Variants in PCDHA5 observed in about 807,000 individuals in gnomAD.
PCDHA5 encodes protocadherin alpha 5.
PCDHA5 carries 43 observed loss-of-function variants against 61.6 expected under a neutral mutation model. That is an observed-to-expected ratio of 0.70 (90% confidence interval 0.55 to 0.90). PCDHA5 has a LOEUF of 0.90. Ranked by LOEUF, PCDHA5 falls within the 40% of genes least tolerant of loss-of-function variation. The pLI, the probability that PCDHA5 is intolerant of heterozygous loss-of-function variation, is 0.00. For missense variants in PCDHA5, 1,298 were observed against 1,222.7 expected, an observed-to-expected ratio of 1.06 and a Z score of -0.92; for synonymous variants, 627 against 543.9, an observed-to-expected ratio of 1.15 and a Z score of -2.13.
intron 1 of PCDHA5, chr5:140,850,083 C>G: frequency 6.3e-7 from 1 of 1,596,622 alleles, no homozygotes; most frequent in Non-Finnish European, 8.6e-7. Context: ...GGAGCTGGAG[C>G]TGCTACAGTT....
chr5:140,881,220 G>A (rs1437715335), intron 1 of PCDHA5: 1 of 247,310 alleles, frequency 4.0e-6, no homozygotes, highest in Non-Finnish European at 6.5e-6. Context: ...TTGTTTCTTG[G>A]AAAATTAAAG....
rs2150162477 is a variant in PCDHA5, at chr5:140,829,090, T to C, written c.2352+4963T>C. On this transcript the variant is annotated intron_variant, in intron 1 of 3. Transcript: ENST00000529859. ...AAGGCCATCCTCCCATGGCGGGTCA[T>C]TGCACCGTTTTAGTGAGAATTTTGG... is the stretch of plus-strand genomic sequence containing the variant. The C allele has an allele frequency of 2.5e-6, 4 of 1,611,416 alleles. No homozygotes were observed. In the South Asian group the frequency reaches 4.4e-5, roughly 18 times the overall value.
intron 1 of PCDHA5, chr5:140,882,765 CGG>C: frequency 6.2e-7 from 1 of 1,614,222 alleles, no homozygotes; most frequent in Non-Finnish European, 8.5e-7. Flanking sequence ...GGAGTAAACT[CGG>C]CATTGACCTA....
chr5:140,877,247 C>T (rs782249614), intron 1 of PCDHA5: 1 of 1,613,680 alleles, frequency 6.2e-7, no homozygotes, highest in African/African-American at 1.3e-5. Context: ...CACGTGGTGG[C>T]GAAAGTGCGC....
chr5:140,831,383 A>G (rs1416445825), intron 1 of PCDHA5, among the ~76,000 whole-genome samples: 1 of 151,732 alleles, frequency 6.6e-6, no homozygotes, highest in South Asian at 2.1e-4. Flanking sequence ...TGTGTGTGAC[A>G]GGGTCTTGCT....
intron 1 of PCDHA5, chr5:140,825,838 T>A (rs1768731897): frequency 6.6e-6 from 1 of 152,416 alleles, no homozygotes; most frequent in Non-Finnish European, 1.5e-5. Context: ...AAAATAAATA[T>A]ACCATGATAC....
intron 1 of PCDHA5, chr5:140,830,405 T>A: frequency 6.2e-7 from 1 of 1,614,172 alleles, no homozygotes; most frequent in Non-Finnish European, 8.5e-7. Flanking sequence ...TCTCATGGCC[T>A]TTAGCCCCAG....
At chr5:140,830,134 G>C in intron 1 of PCDHA5, 2 of 1,613,336 alleles carry the variant, frequency 1.2e-6, no homozygotes, top group Non-Finnish European at 1.7e-6. Flanking sequence ...CGTCATCACG[G>C]GCGTCGGTGG....
In PCDHA5 at chr5:140,823,200, G is replaced by T. The variant is rs2150123368; in HGVS notation, c.1425G>T (p.Thr475=). ...ENNPPGCHIF[T]VSARDADAQE... ...ACCCGCCAGGCTGCCACATCTTCAC[G>T]GTGTCTGCACGGGACGCGGACGCGC... The change falls in exon 1 of 4, where the codon ACG becomes ACT. Residue 475 remains threonine (T), a synonymous_variant. Transcript: ENST00000529859. The T allele has an allele frequency of 9.9e-6, 16 of 1,613,742 alleles. No individual in the cohort carries two copies. In the South Asian group the frequency reaches 1.6e-4, roughly 17 times the overall value.
chr5:140,882,061 G>GT, intron 1 of PCDHA5: 1 of 816,902 alleles, frequency 1.2e-6, no homozygotes, highest in Non-Finnish European at 1.9e-6. Flanking sequence ...ACACTTACAC[G>GT]TTCATGCGCA....
At chr5:140,862,657 C>A (rs2047475881) in intron 1 of PCDHA5, 6 of 545,246 alleles carry the variant, frequency 1.1e-5, no homozygotes, top group Admixed American at 9.6e-5. Flanking sequence ...CGCGCGGGAC[C>A]GGGACGCGCA....
In PCDHA5 at chr5:140,876,738, G is replaced by A. The variant is rs782179304; in HGVS notation, c.2352+52611G>A. 3.1e-6 allele frequency: 5 copies of A among 1,614,264 alleles called. No individual in the cohort carries two copies. In the Admixed American group the frequency reaches 5.0e-5, roughly 16 times the overall value. ...ACCGCGAGAGCGTGTCGGCCTATGA[G>A]CTGGTGGTGACTGCGCGGGATGGGG... On this transcript the variant is annotated intron_variant, in intron 1 of 3. Coordinates refer to ENST00000529859, the MANE Select transcript of PCDHA5 (RefSeq NM_018908.3).
chr5:140,868,134 T>C (rs1562613374), intron 1 of PCDHA5: 1 of 152,142 alleles, frequency 6.6e-6, no homozygotes, highest in Admixed American at 6.5e-5. Context: ...ATTTCTGTCA[T>C]ATCATTGATT....
intron 1 of PCDHA5, chr5:140,851,460 T>A (rs1270613439): frequency 1.0e-5 from 9 of 901,620 alleles, no homozygotes; most frequent in Non-Finnish European, 1.2e-5. Flanking sequence ...GGAATCAAAT[T>A]ATGTCAATAA....
In PCDHA5 at chr5:141,005,148, G is replaced by T. The variant is rs528805353; in HGVS notation, c.2501-4479G>T. The stretch of plus-strand genomic sequence containing the variant: ...AAGTGCCTCATTGGAGAGTTGTTTG[G>T]TCTGCTAAAGAGTGGGTACCACTTT... On this transcript the variant is annotated intron_variant, in intron 3 of 3. Transcript: ENST00000529859. 3.3e-5 allele frequency among the ~76,000 whole-genome samples: 5 copies of T among 152,328 alleles called. No individual in the cohort carries two copies. The South Asian group carries it at 1.0e-3, about 32-fold the overall frequency.
chr5:140,828,962 G>A, intron 1 of PCDHA5: 1 of 1,614,220 alleles, frequency 6.2e-7, no homozygotes, highest in Non-Finnish European at 8.5e-7. Context: ...CATGGTTATT[G>A]ACCACTTTAG....
At chr5:140,829,374 G>T in intron 1 of PCDHA5, 1 of 1,614,224 alleles carries the variant, frequency 6.2e-7, no homozygotes, top group East Asian at 2.2e-5. Context: ...GTAACCGCGC[G>T]GGACGGGGGC....
At chr5:140,898,371 G>A (rs13156913) in intron 1 of PCDHA5, among the ~76,000 whole-genome samples, 3 of 152,142 alleles carry the variant, frequency 2.0e-5, no homozygotes, top group African/African-American at 7.2e-5. Flanking sequence ...TTTGTATAAG[G>A]TGTAAGGAAG....
intron 1 of PCDHA5, among the ~76,000 whole-genome samples, chr5:140,895,983 G>A (rs1186137755): frequency 1.3e-5 from 2 of 151,942 alleles, no homozygotes; most frequent in Non-Finnish European, 2.9e-5. Context: ...GCTAATTTTT[G>A]TATTTTAAGT....
Sources: allele counts gnomAD v4.1 joint callset (sites outside exome capture counted in the v4.1 genomes callset), GRCh38; gene constraint gnomAD v4.1.1; transcripts MANE v1.5; gene names NCBI Gene and HGNC (gene_info 2026-07-23, HGNC 2026-07-21).